Variants in MIA2 observed in about 807,000 individuals in gnomAD.
MIA2 encodes melanoma inhibitory activity protein 2.
MIA2 carries 127 observed loss-of-function variants against 167.8 expected under a neutral mutation model. The ratio of observed to expected loss-of-function variants is 0.76; its 90% CI spans 0.66 to 0.88. The LOEUF (loss-of-function observed/expected upper bound fraction) is 0.88, where lower values mean the gene tolerates loss of function less well. Ranked by LOEUF, MIA2 falls within the 40% of genes least tolerant of loss-of-function variation. The pLI is 0.00. For synonymous variants in MIA2, 552 were observed against 541.9 expected (o/e 1.02, Z -0.26); for missense variants, 1,690 against 1,624.7 (o/e 1.04, Z -0.69).
chr14:39,351,022 T>G (rs1567040476), downstream of MIA2: 1 of 152,122 alleles, frequency 6.6e-6, no homozygotes, highest in East Asian at 1.9e-4. Flanking sequence ...GATATTGAGA[T>G]GTACTACAGG....
At position 39,375,211 on chromosome 14, in the gene MIA2, T is replaced by C. The variant is rs1053365388; in HGVS notation, c.2249-11674T>C. Reference sequence around the variant, plus strand: ...AAGCTATTCCTTCAATTCTAAGGAATTGGCTAGGCAGATGAATAATTGGCT... The same window carrying C: ...AAGCTATTCCTTCAATTCTAAGGAACTGGCTAGGCAGATGAATAATTGGCT... On this transcript the variant is annotated intron_variant, in intron 23 of 23. Transcript: ENST00000341502. Among the ~76,000 whole-genome samples, 4 of 152,264 alleles carry C rather than the reference T, an allele frequency of 2.6e-5. No individual in the cohort carries two copies. The South Asian group carries it at 8.3e-4, about 31-fold the overall frequency.
At chr14:39,254,770 C>T (rs577041502) in intron 6 of MIA2, among the ~76,000 whole-genome samples, 1 of 152,278 alleles carries the variant, frequency 6.6e-6, no homozygotes, top group African/African-American at 2.4e-5. Context: ...CCATGCAGTT[C>T]AGAAAAAGTA....
In MIA2 at chr14:39,247,972, C is replaced by A. The variant is rs2054386320; in HGVS notation, c.1398C>A (p.Asn466Lys). The A allele has an allele frequency of 6.3e-7, 1 of 1,596,012 alleles. No individual in the cohort carries two copies. Among genetic ancestry groups the A allele is most frequent in the Non-Finnish European group, 8.5e-7 (1 of 1,175,828 alleles). ...YLKKFLYNFD[N>K]PWNFQNIPKE... ...AAAAGTTCTTGTATAATTTTGACAA[C>A]CCTTGGAACTTCCAGAACATTCCAA... The change falls in exon 4 of 29, where the codon AAC (asparagine) becomes AAA (lysine). Residue 466 changes from asparagine to lysine, a missense_variant. Transcript: ENST00000640607.
intron 23 of MIA2, among the ~76,000 whole-genome samples, chr14:39,380,612 G>C (rs1183072523): frequency 6.8e-6 from 1 of 146,736 alleles, no homozygotes; most frequent in Non-Finnish European, 1.5e-5. Flanking sequence ...AGAATTGCTT[G>C]AACCCGGGAG....
intron 9 of MIA2, among the ~76,000 whole-genome samples, chr14:39,288,455 A>T (rs1203601535): frequency 0.52 from 8,093 of 15,646 alleles, 1,781 homozygotes; most frequent in East Asian, 0.72. Flanking sequence ...ATATATATAT[A>T]TATATATATA....
At position 39,265,458 on chromosome 14, in the gene MIA2, A is replaced by C. The variant is rs368059868; in HGVS notation, c.1888-11476A>C. ...ACTATTAAGCATACTGAAACAAATG[A>C]GGTTTGGAATTTTGCACTAAGTTTG... is the stretch of plus-strand genomic sequence containing the variant. On this transcript the variant is annotated intron_variant, in intron 6 of 28. Coordinates refer to ENST00000640607, the MANE Select transcript of MIA2 (RefSeq NM_001329214.4). 6.2e-5 allele frequency: 96 copies of C among 1,559,832 alleles called. 1 individual carries two copies. Among genetic ancestry groups the C allele is most frequent in the Non-Finnish European group, 7.5e-5 (86 of 1,142,088 alleles).
At chr14:39,335,585 A>G (rs2070187735) in intron 25 of MIA2, among the ~76,000 whole-genome samples, 1 of 151,868 alleles carries the variant, frequency 6.6e-6, no homozygotes, top group Non-Finnish European at 1.5e-5. Flanking sequence ...TATTCCAGAC[A>G]TTCTTTTAAA....
rs561171955 is a variant in MIA2, at chr14:39,384,507, T to A, written c.2249-2378T>A. Among the ~76,000 whole-genome samples, 26 of 152,352 alleles carry A rather than the reference T, an allele frequency of 1.7e-4. 1 individual carries two copies. The highest frequency in any genetic ancestry group is 1.7e-3 in the South Asian group (8 of 4,826). The stretch of plus-strand genomic sequence containing the variant: ...TTTCGACTTTCAAGTCTTATTTTTT[T>A]AATTTTTTTTTAAGTTCAATGTGGT... On this transcript the variant is annotated intron_variant, in intron 23 of 23. Coordinates refer to the MIA2 transcript ENST00000341502.
At chr14:39,335,536 G>GA (rs1164846274) in intron 25 of MIA2, among the ~76,000 whole-genome samples, 3 of 152,140 alleles carry the variant, frequency 2.0e-5, no homozygotes, top group Non-Finnish European at 4.4e-5. Flanking sequence ...TATATAGTCA[G>GA]AAAAAACTGC....
At chr14:39,355,987 T>C (rs1030043856), downstream of MIA2, among the ~76,000 whole-genome samples, 2 of 152,238 alleles carry the variant, frequency 1.3e-5, no homozygotes, top group Non-Finnish European at 2.9e-5. Flanking sequence ...GCATCAATGT[T>C]CATCAGGGAT....
chr14:39,329,101 T>G (rs531177074), intron 25 of MIA2, among the ~76,000 whole-genome samples: 13 of 152,244 alleles, frequency 8.5e-5, no homozygotes, highest in Admixed American at 2.0e-4. Context: ...TCCATGAGCA[T>G]GGAATGTTTC....
intron 23 of MIA2, among the ~76,000 whole-genome samples, chr14:39,380,691 CAAAAAAA>C (rs145179098): frequency 7.1e-5 from 6 of 85,014 alleles, no homozygotes; most frequent in African/African-American, 1.5e-4. Flanking sequence ...GACTCAGACT[CAAAAAAA>C]AAAAAAAAAA....
rs78536283 is a variant in MIA2 at position 39,277,038 on chromosome 14, C to T, written c.1992C>T (p.Leu664=). The part of the protein sequence containing the change: ...CAAVVGFFAV[L]FFLWRSFRSV... ...CTGTTGTTGGATTTTTTGCTGTTCTCTTTTTTTTGTGGAGAAGTTTTAGAT... is the reference window on the plus strand; with the variant it reads ...CTGTTGTTGGATTTTTTGCTGTTCTTTTTTTTTTGTGGAGAAGTTTTAGAT... The change falls in exon 7 of 29, where the codon CTC becomes CTT. Residue 664 remains leucine (L), a synonymous_variant. Coordinates refer to ENST00000640607, the MANE Select transcript of MIA2 (RefSeq NM_001329214.4). The T allele has an allele frequency of 2.7e-5, 44 of 1,611,966 alleles. No individual in the cohort carries two copies. The South Asian group carries it at 4.1e-4, about 15-fold the overall frequency.
At position 39,246,895 on chromosome 14, in the gene MIA2, T is replaced by C. The variant is rs1478684608; in HGVS notation, c.337-16T>C. The stretch of plus-strand genomic sequence containing the variant: ...AGTACATTCATGTTAATCATATATA[T>C]ATTTTTTCCTTTTAGGAATCTGACT... On this transcript the variant is annotated splice_polypyrimidine_tract_variant and intron_variant, in intron 3 of 28. Coordinates refer to ENST00000640607, the MANE Select transcript of MIA2 (RefSeq NM_001329214.4). The C allele has an allele frequency of 2.9e-6, 4 of 1,369,232 alleles. No individual in the cohort carries two copies. The highest frequency in any genetic ancestry group is 1.5e-5 in the South Asian group (1 of 67,552). 84.8% of individuals were successfully genotyped at this position (1,369,232 alleles called of 1,614,324 possible).
chr14:39,336,322 T>C (rs1396568860), intron 25 of MIA2, among the ~76,000 whole-genome samples: 1 of 152,238 alleles, frequency 6.6e-6, no homozygotes, highest in Non-Finnish European at 1.5e-5. Context: ...AATCTCATTG[T>C]GGTTTTGATC....
At chr14:39,246,015 G>A (rs748003221) in intron 3 of MIA2, among the ~76,000 whole-genome samples, 1 of 152,042 alleles carries the variant, frequency 6.6e-6, no homozygotes, top group Non-Finnish European at 1.5e-5. Context: ...ATCAGATTTT[G>A]TTTGCAGAAT....
At position 39,379,211 on chromosome 14, in the gene MIA2, A is replaced by G. The variant is rs2075105257; in HGVS notation, c.2249-7674A>G. 2.0e-5 allele frequency among the ~76,000 whole-genome samples: 3 copies of G among 152,082 alleles called. No individual in the cohort carries two copies. In the South Asian group the frequency reaches 6.2e-4, roughly 32 times the overall value. On this transcript the variant is annotated intron_variant, in intron 23 of 23. Transcript: ENST00000341502. ...CTTGTTAATCTGACATGGGGCCCAGATGCTGGTCTTGCATTAGTGTACCTT... is the reference window on the plus strand; with the variant it reads ...CTTGTTAATCTGACATGGGGCCCAGGTGCTGGTCTTGCATTAGTGTACCTT...
intron 6 of MIA2, among the ~76,000 whole-genome samples, chr14:39,254,098 G>A (rs1458344384): frequency 6.6e-6 from 1 of 152,138 alleles, no homozygotes; most frequent in Non-Finnish European, 1.5e-5. Context: ...AGATTGATTG[G>A]GAGTGTTAGG....
In MIA2 at chr14:39,313,348, C is replaced by G; in HGVS notation, c.3026C>G (p.Thr1009Arg). 6.4e-7 allele frequency: 1 copy of G among 1,561,832 alleles called. No individual in the cohort carries two copies. The highest frequency in any genetic ancestry group is 1.2e-5 in the South Asian group (1 of 86,142). ...ENEMKLHRKLTVEENYRLEKE... is the reference protein window; with the variant it reads ...ENEMKLHRKLRVEENYRLEKE... ...CATTTTTTGTTTTTAAGGAAATTAA[C>G]AGTAGAGGAAAATTATCGGTTAGAG... is the stretch of plus-strand genomic sequence containing the variant. The change falls in exon 19 of 29, where the codon ACA (threonine) becomes AGA (arginine). Residue 1009 changes from threonine to arginine, a missense_variant. Transcript: ENST00000640607.
Sources: allele counts gnomAD v4.1 joint callset (sites outside exome capture counted in the v4.1 genomes callset), GRCh38; gene constraint gnomAD v4.1.1; transcripts MANE v1.5; gene names NCBI Gene and HGNC (gene_info 2026-07-23, HGNC 2026-07-21).